Variants in EPHA6 observed in about 807,000 individuals in gnomAD.
EPHA6 encodes the protein EPH receptor A6, also known as ephrin type-A receptor 6.
Under a neutral mutation model 112.0 loss-of-function variants are expected in EPHA6, and 50 were observed. That is an observed-to-expected ratio of 0.45 (90% CI 0.36 to 0.56). The LOEUF (loss-of-function observed/expected upper bound fraction) is 0.56, where lower values mean the gene tolerates loss of function less well. Ranked by LOEUF, EPHA6 falls within the 20% of genes least tolerant of loss-of-function variation. The pLI is 0.00. For synonymous variants in EPHA6, 529 were observed against 490.7 expected (o/e 1.08, Z -1.03); for missense variants, 1,280 against 1,417.4 (o/e 0.90, Z 1.56).
intron 5 of EPHA6, among the ~76,000 whole-genome samples, chr3:97,330,609 A>C (rs1273762604): frequency 1.3e-5 from 2 of 152,062 alleles, no homozygotes; most frequent in African/African-American, 4.8e-5. Context: ...GTCTCTGCTA[A>C]AACAGACTTT....
At chr3:97,296,965 A>C (rs1158460973) in intron 5 of EPHA6, among the ~76,000 whole-genome samples, 3 of 152,144 alleles carry the variant, frequency 2.0e-5, no homozygotes, top group African/African-American at 4.8e-5. Flanking sequence ...GGCCCCAGAG[A>C]AGAATGCAGT....
chr3:97,177,084 T>C (rs911455155), intron 3 of EPHA6, among the ~76,000 whole-genome samples: 1 of 151,888 alleles, frequency 6.6e-6, no homozygotes, highest in African/African-American at 2.4e-5. Flanking sequence ...GTTTCCATTA[T>C]CATTTGATAA....
chr3:97,695,791 G>A (rs570571748), intron 14 of EPHA6, among the ~76,000 whole-genome samples: 9 of 152,140 alleles, frequency 5.9e-5, no homozygotes, highest in South Asian at 4.2e-4. Context: ...CACATGCTTC[G>A]GCCTCCCAAA....
At chr3:97,572,420 G>A (rs1398056713) in intron 11 of EPHA6, among the ~76,000 whole-genome samples, 1 of 152,036 alleles carries the variant, frequency 6.6e-6, no homozygotes, top group Non-Finnish European at 1.5e-5. Flanking sequence ...AAAGTGCTAG[G>A]ATTACAGGCG....
At chr3:97,426,049 C>A (rs150209863) in intron 6 of EPHA6, among the ~76,000 whole-genome samples, 2,431 of 152,254 alleles carry the variant, frequency 0.016, 79 homozygotes, top group African/African-American at 0.055. Context: ...TTTCCCAAAT[C>A]TTCCTGTCTT....
In EPHA6 at chr3:97,501,921, A is replaced by T. The variant is rs150173100; in HGVS notation, c.2200+17862A>T. On this transcript the variant is annotated intron_variant, in intron 10 of 17. Coordinates refer to ENST00000389672, the MANE Select transcript of EPHA6 (RefSeq NM_001080448.3). ...CTGAGAGAGATGAGAGGCTGAAGAA[A>T]GAGGCTGGCAAGTCCAGTTTCTCAG... 6.6e-3 allele frequency among the ~76,000 whole-genome samples: 997 copies of T among 152,112 alleles called. 21 individuals are homozygous for T. The highest frequency in any genetic ancestry group is 0.022 in the African/African-American group (918 of 41,432).
Position 97,182,104 on chromosome 3 carries a change from A to G in EPHA6, c.1115-44160A>G, listed in dbSNP as rs544098957. Among the ~76,000 whole-genome samples the G allele has an allele frequency of 2.0e-5, 3 of 152,180 alleles. No individual in the cohort carries two copies. The East Asian group carries it at 5.8e-4, about 30-fold the overall frequency. ...ACAAACTTGGTGCTTGCCCTTCCAG[A>G]AGCTTTTTATTATGTCCCATTGGTT... On this transcript the variant is annotated intron_variant, in intron 3 of 17. Coordinates refer to ENST00000389672, the MANE Select transcript of EPHA6 (RefSeq NM_001080448.3).
At chr3:96,979,675 A>C (rs946099953) in intron 2 of EPHA6, among the ~76,000 whole-genome samples, 10 of 152,118 alleles carry the variant, frequency 6.6e-5, no homozygotes, top group African/African-American at 2.4e-4. Flanking sequence ...CAACAGTGTA[A>C]AAGTGTTCCT....
intron 5 of EPHA6, among the ~76,000 whole-genome samples, chr3:97,371,940 A>G (rs1160688625): frequency 6.6e-6 from 1 of 152,268 alleles, no homozygotes; most frequent in Non-Finnish European, 1.5e-5. Flanking sequence ...AATTTTGGTC[A>G]GAACGGTTGT....
chr3:97,031,160 A>G (rs1348169738), intron 3 of EPHA6, among the ~76,000 whole-genome samples: 3 of 152,078 alleles, frequency 2.0e-5, no homozygotes, highest in Admixed American at 1.3e-4. Context: ...CAACTATCTG[A>G]TCTTTGACAA....
intron 3 of EPHA6, among the ~76,000 whole-genome samples, chr3:97,162,685 G>A (rs908336434): frequency 6.6e-6 from 1 of 152,074 alleles, no homozygotes; most frequent in Non-Finnish European, 1.5e-5. Flanking sequence ...TTTTGGCAGC[G>A]TTTTGAGGTC....
At chr3:97,071,026 C>A (rs1236601384) in intron 3 of EPHA6, among the ~76,000 whole-genome samples, 1 of 151,754 alleles carries the variant, frequency 6.6e-6, no homozygotes, top group East Asian at 1.9e-4. Flanking sequence ...CCAAAGTATC[C>A]CATCAATAAT....
At chr3:97,376,971 C>T (rs2109003946) in intron 5 of EPHA6, among the ~76,000 whole-genome samples, 1 of 152,304 alleles carries the variant, frequency 6.6e-6, no homozygotes, top group East Asian at 1.9e-4. Flanking sequence ...TGTATTAGCT[C>T]AGTGTCTAAG....
At chr3:97,232,374 T>A (rs1200458016) in intron 4 of EPHA6, among the ~76,000 whole-genome samples, 1 of 152,214 alleles carries the variant, frequency 6.6e-6, no homozygotes, top group Non-Finnish European at 1.5e-5. Context: ...TCTGGTAAGT[T>A]AAAATTCAAA....
intron 3 of EPHA6, among the ~76,000 whole-genome samples, chr3:97,054,761 C>G (rs1183465688): frequency 1.3e-5 from 2 of 151,954 alleles, no homozygotes. Context: ...TTACCTGATA[C>G]TAAATTTTAT....
intron 10 of EPHA6, among the ~76,000 whole-genome samples, chr3:97,500,223 G>C (rs554438551): frequency 6.6e-6 from 1 of 152,092 alleles, no homozygotes; most frequent in South Asian, 2.1e-4. Flanking sequence ...GGTCTTTTGG[G>C]ATGTGGTATG....
intron 12 of EPHA6, among the ~76,000 whole-genome samples, chr3:97,605,081 T>C (rs535896626): frequency 6.6e-6 from 1 of 151,552 alleles, no homozygotes; most frequent in Admixed American, 6.6e-5. Flanking sequence ...TGTTCTAAAA[T>C]TGATTGAGAT....
At chr3:97,080,132 A>G (rs2046675536) in intron 3 of EPHA6, among the ~76,000 whole-genome samples, 3 of 152,098 alleles carry the variant, frequency 2.0e-5, no homozygotes, top group East Asian at 1.9e-4. Context: ...TGCTTCTTAT[A>G]TACTACATTT....
intron 5 of EPHA6, among the ~76,000 whole-genome samples, chr3:97,252,614 G>A (rs556664351): frequency 2.6e-5 from 4 of 152,076 alleles, no homozygotes; most frequent in African/African-American, 9.7e-5. Flanking sequence ...CAGTCACAGG[G>A]CAGGGATAGG....
Sources: gnomAD v4.1 joint callset for allele counts (sites outside exome capture counted in the v4.1 genomes callset) on GRCh38, gnomAD v4.1.1 for gene constraint, MANE v1.5 for transcripts, NCBI Gene and HGNC (gene_info 2026-07-23, HGNC 2026-07-21) for gene names.